The following KDM5A variants were observed in gnomAD, a reference collection of about 807,000 sequenced individuals.
KDM5A encodes the protein lysine-specific demethylase 5A.
Under a neutral mutation model 193.5 loss-of-function variants are expected in KDM5A, and 42 were observed. That is an observed-to-expected ratio of 0.22 (90% CI 0.17 to 0.28). The LOEUF (loss-of-function observed/expected upper bound fraction) is 0.28, where lower values mean the gene tolerates loss of function less well. Among genes scored for constraint, KDM5A ranks in the 10% least tolerant of loss-of-function variants. The pLI, the probability that KDM5A is intolerant of heterozygous loss-of-function variation, is 1.00. For synonymous variants in KDM5A, 796 were observed against 718.1 expected (o/e 1.11, Z -1.73); for missense variants, 1,692 against 2,055.1 (o/e 0.82, Z 3.42).
At chr12:288,160 G>A (rs1333262052) in intron 27 of KDM5A, among the ~76,000 whole-genome samples, 1 of 152,042 alleles carries the variant, frequency 6.6e-6, no homozygotes. Context: ...TGTGTGAAAG[G>A]CCCACAGCAA....
At chr12:347,964 G>C (rs1371356069) in intron 10 of KDM5A, among the ~76,000 whole-genome samples, 1 of 152,128 alleles carries the variant, frequency 6.6e-6, no homozygotes, top group Non-Finnish European at 1.5e-5. Flanking sequence ...ACTACCATCA[G>C]AGTAAACAAG....
chr12:311,246 ATTTTTTTAATG>A (rs1480580955), intron 20 of KDM5A, 182 bp from the exon 21 acceptor site: 10 of 625,614 alleles, frequency 1.6e-5, no homozygotes, highest in Non-Finnish European at 1.7e-5. Context: ...TGTGTAAATT[ATTTTTTTAATG>A]AACATGTCAT....
intron 27 of KDM5A, among the ~76,000 whole-genome samples, chr12:287,160 C>T (rs958353149): frequency 2.0e-5 from 3 of 152,180 alleles, no homozygotes; most frequent in African/African-American, 7.2e-5. Context: ...ATACAACTGT[C>T]GGCAGCACTG....
At chr12:313,935 A>G (rs1352894472) in intron 19 of KDM5A, among the ~76,000 whole-genome samples, 1 of 152,174 alleles carries the variant, frequency 6.6e-6, no homozygotes, top group Non-Finnish European at 1.5e-5. Flanking sequence ...AAACACTTGA[A>G]AAGCATTCAT....
At chr12:323,890 A>C (rs1237029054) in intron 14 of KDM5A, 109 bp from the exon 15 acceptor site, 3 of 868,396 alleles carry the variant, frequency 3.5e-6, no homozygotes, top group East Asian at 5.0e-5. Flanking sequence ...TTAAAGGTAT[A>C]AACATGAAAG....
intron 5 of KDM5A, among the ~76,000 whole-genome samples, chr12:360,025 C>T (rs1944276182): frequency 6.6e-6 from 1 of 152,046 alleles, no homozygotes; most frequent in Non-Finnish European, 1.5e-5. Context: ...CCTATAATCC[C>T]AGCACTTTGG....
intron 27 of KDM5A, chr12:286,220 A>G (rs367989120): frequency 6.0e-6 from 3 of 496,168 alleles, no homozygotes; most frequent in African/African-American, 3.9e-5. Context: ...ATAAAAAGTT[A>G]GCAAATATCA....
intron 24 of KDM5A, among the ~76,000 whole-genome samples, chr12:305,979 T>TTTTG (rs1555128083): frequency 1.5e-3 from 211 of 143,738 alleles, no homozygotes; most frequent in African/African-American, 4.9e-3. Flanking sequence ...GTTTTTTTTT[T>TTTTG]TTTTTTTTTT....
intron 27 of KDM5A, 26 bp from the exon 28 acceptor site, chr12:285,688 T>C: frequency 6.3e-7 from 1 of 1,596,296 alleles, no homozygotes. Flanking sequence ...TTGGGGAATG[T>C]TTAGGTTACA....
At chr12:327,885 A>G (rs12581260) in intron 14 of KDM5A, among the ~76,000 whole-genome samples, 53,948 of 151,862 alleles carry the variant, frequency 0.36, 10,257 homozygotes, top group East Asian at 0.58. Flanking sequence ...ATGGTAACAC[A>G]CACCTGCAGT....
chr12:323,087 T>C lies in KDM5A; in HGVS notation c.2270A>G (p.Lys757Arg), dbSNP rs373486689. ...ACAAAAGAAGGAAATTTAACCTTTT[T>C]TGTGGTTGAAGTTAGCAGACAATGC... The part of the protein sequence containing the change: ...TEALSANFNH[K>R]KDLIELRVML... Residue 757 changes from lysine (K) to arginine (R), a missense_variant, in exon 16 of 28, where the codon AAA becomes AGA. Coordinates refer to ENST00000399788, the MANE Select transcript of KDM5A (RefSeq NM_001042603.3). 29 of 1,613,162 alleles carry C rather than the reference T, an allele frequency of 1.8e-5. No homozygotes were observed. The highest frequency in any genetic ancestry group is 4.0e-5 in the African/African-American group (3 of 74,798).
chr12:354,117 C>A lies in KDM5A; in HGVS notation c.988G>T (p.Val330Leu), dbSNP rs1944198601. ...GGACACCTCCAGTCTCCTTTGGGCA[C>A]ATCAGGTAGTGGAGGAATTAGACAA... The part of the protein sequence containing the change: ...TFCLIPPLPD[V>L]PKGDWRCPKC... The change falls in exon 8 of 28, where the codon GTG (valine) becomes TTG (leucine). Residue 330 changes from valine to leucine, a missense_variant. This residue lies in a region of KDM5A where 62 missense variants were observed against 107.1 expected (regional missense o/e 0.58). Coordinates refer to ENST00000399788, the MANE Select transcript of KDM5A (RefSeq NM_001042603.3). The A allele has an allele frequency of 6.2e-7, 1 of 1,613,734 alleles. No individual in the cohort carries two copies. Among genetic ancestry groups the A allele is most frequent in the African/African-American group, 1.3e-5 (1 of 74,898 alleles).
At chr12:286,433 CAATA>C (rs781023810) in intron 27 of KDM5A, among the ~76,000 whole-genome samples, 23 of 152,238 alleles carry the variant, frequency 1.5e-4, no homozygotes, top group Non-Finnish European at 2.6e-4. Flanking sequence ...TAAGAGTTAA[CAATA>C]AAGTGACTTT....
At chr12:342,271 A>G (rs1944015306) in intron 10 of KDM5A, among the ~76,000 whole-genome samples, 1 of 152,140 alleles carries the variant, frequency 6.6e-6, no homozygotes, top group South Asian at 2.1e-4. Flanking sequence ...TTATAGGGGG[A>G]AAGAAAAAGT....
At chr12:292,362 T>C (rs1452927624) in intron 27 of KDM5A, among the ~76,000 whole-genome samples, 2 of 152,200 alleles carry the variant, frequency 1.3e-5, no homozygotes, top group African/African-American at 2.4e-5. Flanking sequence ...CCACAGCTCT[T>C]ACAATACTGG....
At chr12:310,273 TG>T (rs919271840) in intron 21 of KDM5A, among the ~76,000 whole-genome samples, 3 of 152,216 alleles carry the variant, frequency 2.0e-5, no homozygotes, top group South Asian at 2.1e-4. Flanking sequence ...TTAACTACTA[TG>T]TTCAACTGCT....
chr12:310,691 C>T lies in KDM5A; in HGVS notation c.3216+194G>A, dbSNP rs140902099. Among the ~76,000 whole-genome samples the T allele has an allele frequency of 1.7e-4, 26 of 152,228 alleles. No homozygotes were observed. The East Asian group carries it at 4.6e-3, about 27-fold the overall frequency. ...GAGTCCAATAACAAGCCAAGGCCGA[C>T]TGCTTTTTCTAGGGACAGCACAAGA... On this transcript the variant is annotated intron_variant, in intron 21 of 27. Coordinates refer to ENST00000399788, the MANE Select transcript of KDM5A (RefSeq NM_001042603.3).
At chr12:359,024 T>C (rs562233595) in intron 5 of KDM5A, among the ~76,000 whole-genome samples, 9 of 151,336 alleles carry the variant, frequency 5.9e-5, no homozygotes, top group Non-Finnish European at 1.2e-4. Flanking sequence ...AGACTACATA[T>C]TAGATCTCTA....
intron 2 of KDM5A, 108 bp from the exon 3 acceptor site, chr12:384,261 T>A: frequency 1.2e-6 from 1 of 835,026 alleles, no homozygotes; most frequent in Non-Finnish European, 2.0e-6. Flanking sequence ...ATCAGCGGCC[T>A]GTTAGGAACC....
Sources: gnomAD v4.1 joint callset for allele counts (sites outside exome capture counted in the v4.1 genomes callset) on GRCh38, gnomAD v4.1.1 for gene constraint, gnomAD v4.1.1 regional missense constraint, MANE v1.5 for transcripts, NCBI Gene and HGNC (gene_info 2026-07-23, HGNC 2026-07-21) for gene names.